The following ARID3C variants were observed in gnomAD, a reference collection of about 807,000 sequenced individuals.
ARID3C encodes AT-rich interaction domain 3C.
ARID3C carries 42 observed loss-of-function variants against 37.9 expected under a neutral mutation model. That is an observed-to-expected ratio of 1.11 (90% CI 0.87 to 1.43). The LOEUF is 1.43. Ranked by LOEUF, ARID3C falls within the 40% of genes most tolerant of loss-of-function variation. ARID3C has a pLI of 0.00. For synonymous variants in ARID3C, 213 were observed against 228.0 expected, an observed-to-expected ratio of 0.93 and a Z score of 0.59; for missense variants, 581 against 548.8, an observed-to-expected ratio of 1.06 and a Z score of -0.59.
upstream of ARID3C, among the ~76,000 whole-genome samples, chr9:34,631,896 G>C (rs1372298415): frequency 1.3e-5 from 2 of 152,228 alleles, no homozygotes; most frequent in Admixed American, 1.3e-4. Context: ...TTGGCAGGGG[G>C]CCTGTTCCCC....
exon 7 of ARID3C, chr9:34,621,434 A>G (rs762537308): frequency 6.9e-7 from 1 of 1,450,818 alleles, no homozygotes; most frequent in South Asian, 1.4e-5. Flanking sequence ...TGGGGCTGGG[A>G]CTCTTAGTTT....
intron 4 of ARID3C, 37 bp from the exon 6 acceptor site, chr9:34,622,566 C>T (rs764152378): frequency 1.3e-6 from 2 of 1,543,290 alleles, no homozygotes; most frequent in East Asian, 4.5e-5. Context: ...CTGGCCAAAC[C>T]AACCCATCTC....
rs746210181 is a variant in ARID3C at position 34,628,034 on chromosome 9, C to A, written c.-20G>T. 6.8e-7 allele frequency: 1 copy of A among 1,460,376 alleles called. No homozygotes were observed. The highest frequency in any genetic ancestry group is 1.4e-5 in the African/African-American group (1 of 70,106). The allele number at this position is 1,460,376 out of a possible 1,614,324, so 90.5% of individuals were successfully genotyped here. Reference sequence around the variant, plus strand: ...CTCCATGACAGCTTCCAGGCGCAGTCCCCCAGCTGAGGGGGTCCCTGGTAC... The same window carrying A: ...CTCCATGACAGCTTCCAGGCGCAGTACCCCAGCTGAGGGGGTCCCTGGTAC... On this transcript the variant is annotated 5_prime_UTR_variant, in exon 1 of 7. Transcript: ENST00000378909. The surrounding 1 kb of genome is among the most constrained non-coding windows in gnomAD (Gnocchi z 5.2).
At chr9:34,621,479 G>C (rs778020216) in exon 7 of ARID3C, 2 of 1,532,082 alleles carry the variant, frequency 1.3e-6, no homozygotes, top group Non-Finnish European at 1.7e-6. Context: ...TGCTGGAAGG[G>C]GGCCCTGTGG....
exon 7 of ARID3C, chr9:34,621,413 C>G (rs1820555725): frequency 7.5e-7 from 1 of 1,326,032 alleles, no homozygotes; most frequent in African/African-American, 1.6e-5. Flanking sequence ...GGTCTCCTCC[C>G]CCCTCAGCAA....
intron 2 of ARID3C, among the ~76,000 whole-genome samples, chr9:34,625,465 C>T (rs925008332): frequency 2.0e-5 from 3 of 152,202 alleles, no homozygotes; most frequent in Non-Finnish European, 4.4e-5. Flanking sequence ...ATTCTCAGCC[C>T]TCTGATTCTG....
intron 1 of ARID3C, 110 bp from the exon 3 acceptor site, chr9:34,625,924 G>A: frequency 1.6e-6 from 2 of 1,243,194 alleles, no homozygotes; most frequent in South Asian, 2.7e-5. Flanking sequence ...GAGTCAGTAG[G>A]ATCTCAATGT....
At chr9:34,627,588 C>T in intron 1 of ARID3C, 109 bp downstream of exon 2, 1 of 984,316 alleles carries the variant, frequency 1.0e-6, no homozygotes, top group Non-Finnish European at 1.5e-6. Context: ...TGTCTCTTTT[C>T]ATCTTGCAGA....
intron 1 of ARID3C, among the ~76,000 whole-genome samples, chr9:34,627,281 T>G (rs1564091900): frequency 1.3e-5 from 2 of 152,118 alleles, no homozygotes; most frequent in Admixed American, 1.3e-4. Context: ...AATATGACCT[T>G]GTGACTTGAT....
chr9:34,622,943 C>T (rs532441212), intron 4 of ARID3C, among the ~76,000 whole-genome samples: 2 of 151,858 alleles, frequency 1.3e-5, no homozygotes, highest in African/African-American at 4.8e-5. Flanking sequence ...GTCAGGAGAT[C>T]GAGACCATCC....
chr9:34,623,699 C>G (rs755360459), exon 4 of ARID3C: 2 of 1,555,162 alleles, frequency 1.3e-6, no homozygotes, highest in Non-Finnish European at 1.7e-6. Context: ...CGTACGGGTA[C>G]AGGTACTTCA....
chr9:34,629,182 T>A (rs902778303), upstream of ARID3C, among the ~76,000 whole-genome samples: 1 of 152,164 alleles, frequency 6.6e-6, no homozygotes, highest in Non-Finnish European at 1.5e-5. Context: ...TCCCACCTTC[T>A]TTCCAGCCAG....
chr9:34,625,988 C>A (rs1820649893), intron 1 of ARID3C, among the ~76,000 whole-genome samples, 174 bp from the exon 3 acceptor site: 1 of 152,338 alleles, frequency 6.6e-6, no homozygotes, highest in East Asian at 1.9e-4. Context: ...GGCAGGGGTG[C>A]CTTTTTCTAG....
At chr9:34,627,275 T>C (rs1820668458) in intron 1 of ARID3C, among the ~76,000 whole-genome samples, 1 of 152,176 alleles carries the variant, frequency 6.6e-6, no homozygotes. Context: ...CACTGGAATA[T>C]GACCTTGTGA....
At chr9:34,622,483 C>T in exon 5 of ARID3C, 1 of 1,612,688 alleles carries the variant, frequency 6.2e-7, no homozygotes, top group Non-Finnish European at 8.5e-7. Context: ...GTCCCAGTGC[C>T]AGGCCCACAG....
exon 2 of ARID3C, chr9:34,625,793 G>C: frequency 6.2e-7 from 1 of 1,613,914 alleles, no homozygotes; most frequent in Non-Finnish European, 8.5e-7. Flanking sequence ...TTCCTCTTGG[G>C]GTCTGCATCG....
intron 6 of ARID3C, 132 bp downstream of exon 7, chr9:34,621,888 C>T: frequency 1.1e-6 from 1 of 931,324 alleles, no homozygotes; most frequent in Non-Finnish European, 1.7e-6. Flanking sequence ...CTAGCAATCC[C>T]CTGAACTCCA....
In ARID3C at chr9:34,622,367, C is replaced by T. The variant is rs745431861; in HGVS notation, c.1028G>A (p.Arg343His). ...CTCACCCCTCAGGGGAACCTTGCCACGGGGCAGGAAACTGGGGGGCATGCA... is the reference window on the plus strand; with the variant it reads ...CTCACCCCTCAGGGGAACCTTGCCATGGGGCAGGAAACTGGGGGGCATGCA... The change falls in exon 5 of 7, where the codon CGT becomes CAT. Residue 343 changes from arginine to histidine, a missense_variant. Coordinates refer to ENST00000378909, the Ensembl canonical transcript of ARID3C. 4.0e-5 allele frequency: 64 copies of T among 1,610,350 alleles called. No individual in the cohort carries two copies. The highest frequency in any genetic ancestry group is 8.8e-5 in the South Asian group (8 of 90,490).
At position 34,622,380 on chromosome 9, in the gene ARID3C, T is replaced by G. The variant is rs775074270; in HGVS notation, c.1015A>C (p.Ser339Arg). ...GGAACCTTGCCACGGGGCAGGAAAC[T>G]GGGGGGCATGCAAGGTCGAGGTGGG... The change falls in exon 5 of 7, where the codon AGT (serine) becomes CGT (arginine). Residue 339 changes from serine (S) to arginine (R), a missense_variant. Ser to Arg is a moderately radical substitution (Grantham distance 110). Transcript: ENST00000378909. The G allele has an allele frequency of 5.0e-6, 8 of 1,612,486 alleles. No individual in the cohort carries two copies. In the Admixed American group the frequency reaches 1.3e-4, roughly 27 times the overall value.
Sources: allele counts gnomAD v4.1 joint callset (sites outside exome capture counted in the v4.1 genomes callset), GRCh38; gene constraint gnomAD v4.1.1; non-coding constraint Gnocchi (gnomAD v3.1); transcripts MANE v1.5; gene names NCBI Gene and HGNC (gene_info 2026-07-23, HGNC 2026-07-21).